TNFSF4: variants seen among roughly 807,000 people sequenced by gnomAD.
TNFSF4 encodes TNF superfamily member 4.
In TNFSF4, 4 loss-of-function variants were observed where a neutral mutation model predicts 7.3. The ratio of observed to expected loss-of-function variants is 0.55; its 90% CI spans 0.27 to 1.25. The LOEUF (loss-of-function observed/expected upper bound fraction) is 1.25. Ranked by LOEUF, TNFSF4 falls within the 50% of genes most tolerant of loss-of-function variation. The pLI, the probability that TNFSF4 is intolerant of heterozygous loss-of-function variation, is 0.12. For synonymous variants in TNFSF4, 76 were observed against 83.7 expected, an observed-to-expected ratio of 0.91 and a Z score of 0.50; for missense variants, 181 against 208.8, an observed-to-expected ratio of 0.87 and a Z score of 0.82.
At chr1:173,351,645 G>A in the TNFSF4 span, 279 of 258,882 alleles carry the variant, frequency 1.1e-3, 1 homozygote, top group Non-Finnish European at 1.6e-3. Flanking sequence ...CTGGGACACA[G>A]CTAAGGCCAT....
the TNFSF4 span, among the ~76,000 whole-genome samples, chr1:173,438,520 G>C: frequency 6.6e-6 from 1 of 151,892 alleles, no homozygotes; most frequent in African/African-American, 2.4e-5. Flanking sequence ...TGTATCTTTT[G>C]CTTATTTTCT....
the TNFSF4 span, among the ~76,000 whole-genome samples, chr1:173,395,343 A>C: frequency 7.1e-6 from 1 of 141,038 alleles, no homozygotes; most frequent in Non-Finnish European, 1.5e-5. Context: ...TCAACCACTT[A>C]TAAGCATCAA....
chr1:173,366,677 T>C, the TNFSF4 span, among the ~76,000 whole-genome samples: 447 of 152,314 alleles, frequency 2.9e-3, 3 homozygotes, highest in African/African-American at 0.01. Flanking sequence ...AGGTAATGGA[T>C]ATCCTATTTA....
chr1:173,393,071 G>C, the TNFSF4 span, among the ~76,000 whole-genome samples: 1 of 152,112 alleles, frequency 6.6e-6, no homozygotes, highest in Non-Finnish European at 1.5e-5. Flanking sequence ...GGTGGAGTGG[G>C]GGCCTATATG....
chr1:173,184,634 A>G lies in TNFSF4; in HGVS notation c.*1882T>C, dbSNP rs1181161877. On this transcript the variant is annotated 3_prime_UTR_variant, in exon 3 of 3. Transcript: ENST00000281834. Reference sequence around the variant, plus strand: ...ATATTACCTATAGTCATAAACGTTTACTTTTTCGGATATCACTCACTGAGT... The same window carrying G: ...ATATTACCTATAGTCATAAACGTTTGCTTTTTCGGATATCACTCACTGAGT... The G allele has an allele frequency of 6.6e-6, 1 of 152,222 alleles. No individual in the cohort carries two copies. The highest frequency in any genetic ancestry group is 1.9e-4 in the East Asian group (1 of 5,202). 9.4% of individuals were successfully genotyped at this position (152,222 alleles called of 1,614,324 possible). A position where few individuals can be genotyped will look rare whatever the true frequency, so the allele number is the denominator to read the frequency against.
the TNFSF4 span, among the ~76,000 whole-genome samples, chr1:173,368,400 C>A: frequency 2.0e-5 from 3 of 152,210 alleles, no homozygotes; most frequent in Non-Finnish European, 1.5e-5. Flanking sequence ...ATCTTGTGGG[C>A]TCCTCCGGAA....
At chr1:173,398,990 C>T in the TNFSF4 span, among the ~76,000 whole-genome samples, 1 of 152,222 alleles carries the variant, frequency 6.6e-6, no homozygotes, top group Non-Finnish European at 1.5e-5. Flanking sequence ...CGGCCTCCTA[C>T]TGAGCCTTAG....
the TNFSF4 span, among the ~76,000 whole-genome samples, chr1:173,377,276 C>T: frequency 2.0e-5 from 3 of 152,156 alleles, no homozygotes; most frequent in Non-Finnish European, 2.9e-5. Flanking sequence ...GGCTAAATAC[C>T]GGGCACCTGT....
chr1:173,281,134 G>A, the TNFSF4 span, among the ~76,000 whole-genome samples: 3 of 152,024 alleles, frequency 2.0e-5, no homozygotes, highest in East Asian at 1.9e-4. Flanking sequence ...CGTGAGATGC[G>A]CATTGTTAGA....
intron 1 of TNFSF4, among the ~76,000 whole-genome samples, chr1:173,205,157 A>AGCATCAG (rs1258394631): frequency 6.6e-6 from 1 of 152,234 alleles, no homozygotes; most frequent in Non-Finnish European, 1.5e-5. Context: ...CATCAAGTGA[A>AGCATCAG]GAACTTCAAA....
At chr1:173,218,064 C>T in the TNFSF4 span, among the ~76,000 whole-genome samples, 1 of 152,064 alleles carries the variant, frequency 6.6e-6, no homozygotes, top group Non-Finnish European at 1.5e-5. Context: ...TTTTGAATTA[C>T]CTTGTGATAT....
chr1:173,209,325 T>A (rs1394015965), upstream of TNFSF4, among the ~76,000 whole-genome samples: 1 of 152,186 alleles, frequency 6.6e-6, no homozygotes, highest in Non-Finnish European at 1.5e-5. Context: ...AGTTCATCAC[T>A]GGGCTAGTCT....
chr1:173,344,385 G>A, the TNFSF4 span, among the ~76,000 whole-genome samples: 7 of 152,162 alleles, frequency 4.6e-5, no homozygotes, highest in Non-Finnish European at 8.8e-5. Context: ...TTGAGAAACC[G>A]TTTAAACTCT....
At chr1:173,375,166 A>T in the TNFSF4 span, among the ~76,000 whole-genome samples, 1 of 152,132 alleles carries the variant, frequency 6.6e-6, no homozygotes, top group Non-Finnish European at 1.5e-5. Context: ...CCTCCTTGTC[A>T]AATTTGTTTC....
chr1:173,238,245 T>C, the TNFSF4 span, among the ~76,000 whole-genome samples: 2 of 151,870 alleles, frequency 1.3e-5, no homozygotes, highest in Non-Finnish European at 2.9e-5. Flanking sequence ...TATCGAAAAA[T>C]CAACTCAAGA....
At chr1:173,410,932 G>A in the TNFSF4 span, among the ~76,000 whole-genome samples, 2 of 152,116 alleles carry the variant, frequency 1.3e-5, no homozygotes, top group Non-Finnish European at 2.9e-5. Flanking sequence ...AGCTGCACTG[G>A]GGAGACATGT....
the TNFSF4 span, among the ~76,000 whole-genome samples, chr1:173,343,078 C>T: frequency 1.3e-5 from 2 of 152,286 alleles, no homozygotes; most frequent in South Asian, 4.1e-4. Flanking sequence ...ACATCCTTGC[C>T]TTTGCATTCC....
the TNFSF4 span, among the ~76,000 whole-genome samples, chr1:173,228,095 T>A: frequency 1.3e-5 from 2 of 152,272 alleles, no homozygotes; most frequent in East Asian, 3.9e-4. Context: ...TGTTCCAGCA[T>A]GGAGTTTGAG....
At chr1:173,403,995 G>A in the TNFSF4 span, among the ~76,000 whole-genome samples, 2 of 152,004 alleles carry the variant, frequency 1.3e-5, no homozygotes, top group Admixed American at 6.6e-5. Flanking sequence ...AAATGATACC[G>A]GCACAAAGAG....
Sources: gnomAD v4.1 joint callset for allele counts (sites outside exome capture counted in the v4.1 genomes callset) on GRCh38, gnomAD v4.1.1 for gene constraint, MANE v1.5 for transcripts, NCBI Gene and HGNC (gene_info 2026-07-23, HGNC 2026-07-21) for gene names.